AZIN2: variants seen among roughly 807,000 people sequenced by gnomAD.
AZIN2 encodes antizyme inhibitor 2.
Under a neutral mutation model 47.8 loss-of-function variants are expected in AZIN2, and 28 were observed. The ratio of observed to expected loss-of-function variants is 0.59; its 90% confidence interval spans 0.43 to 0.80. AZIN2 has a LOEUF of 0.80. Among genes scored for constraint, AZIN2 ranks in the 30% least tolerant of loss-of-function variants. The probability of loss-of-function intolerance (pLI) is 0.00; values close to 1 mark genes in which losing one functional copy is unlikely to be tolerated. For synonymous variants in AZIN2, 221 were observed against 239.4 expected (o/e 0.92, Z 0.71); for missense variants, 535 against 582.5 (o/e 0.92, Z 0.84).
chr1:33,163,686 C>G, the AZIN2 span: 1 of 152,360 alleles, frequency 6.6e-6, no homozygotes, highest in Non-Finnish European at 1.5e-5. Context: ...TGCATCACCC[C>G]GCCAGGGCGC....
chr1:33,160,982 G>A, the AZIN2 span, among the ~76,000 whole-genome samples: 2 of 152,354 alleles, frequency 1.3e-5, no homozygotes, highest in East Asian at 3.9e-4. Flanking sequence ...GAAGGGCACA[G>A]GTTTGGTGCC....
intron 10 of AZIN2, among the ~76,000 whole-genome samples, chr1:33,103,946 A>G (rs1356831155): frequency 6.6e-6 from 1 of 150,656 alleles, no homozygotes; most frequent in Non-Finnish European, 1.5e-5. Context: ...GCAGTGCTAC[A>G]GTCTTGGCTC....
chr1:33,092,278 G>C, intron 6 of AZIN2, 56 bp downstream of exon 6: 1 of 1,551,228 alleles, frequency 6.4e-7, no homozygotes, highest in Non-Finnish European at 8.7e-7. Flanking sequence ...GGGCTGTGGG[G>C]AGCCTGGGCT....
the AZIN2 span, among the ~76,000 whole-genome samples, chr1:33,133,183 GGTGA>G: frequency 6.6e-6 from 1 of 152,238 alleles, no homozygotes; most frequent in African/African-American, 2.4e-5. Context: ...CCAAGGGCTT[GGTGA>G]GTAACATTCA....
the AZIN2 span, chr1:33,159,909 C>T: frequency 6.2e-7 from 1 of 1,608,316 alleles, no homozygotes. The surrounding 1 kb of genome is among the most constrained non-coding windows in gnomAD (Gnocchi z 4.2). Flanking sequence ...GCTCGAAGGC[C>T]TCGCCGATAG....
At chr1:33,161,510 C>A in the AZIN2 span, among the ~76,000 whole-genome samples, 7 of 152,184 alleles carry the variant, frequency 4.6e-5, no homozygotes, top group African/African-American at 1.4e-4. This position sits in a 1 kb window ranked among gnomAD's most constrained non-coding sequence, Gnocchi z 4.3. Context: ...CCCCGACGCG[C>A]GGCTGCTGGC....
intron 9 of AZIN2, chr1:33,097,858 G>C (rs867202599): frequency 2.9e-5 from 17 of 579,222 alleles, no homozygotes; most frequent in Non-Finnish European, 5.0e-5. Context: ...TGGGCAGGTT[G>C]CTTGGCTGCA....
the AZIN2 span, among the ~76,000 whole-genome samples, chr1:33,161,771 C>T: frequency 2.2e-3 from 334 of 152,304 alleles, 2 homozygotes; most frequent in Non-Finnish European, 4.0e-3. This position sits in a 1 kb window ranked among gnomAD's most constrained non-coding sequence, Gnocchi z 4.3. Context: ...AGCTACTCCT[C>T]TGGCTCCTCC....
chr1:33,094,492 C>G (rs1642923391), intron 7 of AZIN2, 56 bp from the exon 8 acceptor site: 2 of 1,559,012 alleles, frequency 1.3e-6, no homozygotes, highest in Non-Finnish European at 1.7e-6. Flanking sequence ...GGCTGGGGCT[C>G]AGGTGGTGGC....
intron 10 of AZIN2, among the ~76,000 whole-genome samples, chr1:33,100,854 C>T (rs1381192174): frequency 2.0e-5 from 3 of 151,610 alleles, no homozygotes; most frequent in African/African-American, 4.8e-5. Flanking sequence ...ATTTGGTTGC[C>T]ATCTCTCTCT....
the AZIN2 span, chr1:33,158,278 C>G: frequency 6.2e-7 from 1 of 1,614,052 alleles, no homozygotes; most frequent in Non-Finnish European, 8.5e-7. Flanking sequence ...GGAACAGGGA[C>G]TTCCAGATGG....
chr1:33,104,028 G>T (rs1022748303), intron 10 of AZIN2, among the ~76,000 whole-genome samples: 1 of 151,852 alleles, frequency 6.6e-6, no homozygotes, highest in African/African-American at 2.4e-5. Flanking sequence ...GATTACAGGC[G>T]CCCGTCACTA....
At chr1:33,084,689 C>T (rs555972579) in intron 5 of AZIN2, among the ~76,000 whole-genome samples, 44 of 152,138 alleles carry the variant, frequency 2.9e-4, no homozygotes, top group African/African-American at 9.6e-4. Flanking sequence ...CTTCGCCTCC[C>T]GGGTTCAAGT....
At chr1:33,133,486 G>C in the AZIN2 span, among the ~76,000 whole-genome samples, 1 of 152,080 alleles carries the variant, frequency 6.6e-6, no homozygotes, top group African/African-American at 2.4e-5. Context: ...TGGTGGGCTG[G>C]GGCAGGTGAC....
chr1:33,086,868 T>C (rs1641961166), intron 5 of AZIN2, among the ~76,000 whole-genome samples: 1 of 152,210 alleles, frequency 6.6e-6, no homozygotes, highest in East Asian at 1.9e-4. Flanking sequence ...CACTTGCCTG[T>C]CTGCCCCCAT....
chr1:33,089,418 T>C (rs1039767733), intron 5 of AZIN2, among the ~76,000 whole-genome samples: 14 of 152,106 alleles, frequency 9.2e-5, no homozygotes. Context: ...GGCAATGTAG[T>C]GAGACCCTGT....
At chr1:33,139,685 C>T in the AZIN2 span, among the ~76,000 whole-genome samples, 6 of 152,318 alleles carry the variant, frequency 3.9e-5, no homozygotes, top group African/African-American at 1.4e-4. Context: ...TTGTTTTCCT[C>T]CTGCAGAGGA....
At chr1:33,152,232 C>T in the AZIN2 span, among the ~76,000 whole-genome samples, 5 of 152,200 alleles carry the variant, frequency 3.3e-5, no homozygotes, top group Non-Finnish European at 7.3e-5. Flanking sequence ...CTTTTCACAT[C>T]ATGCTCTTCC....
chr1:33,082,955 C>T (rs144202854), intron 4 of AZIN2: 120 of 153,038 alleles, frequency 7.8e-4, no homozygotes, highest in Non-Finnish European at 1.5e-3. Flanking sequence ...TGCCTTTGCC[C>T]AGGCTGTTCC....
Sources: allele counts gnomAD v4.1 joint callset (sites outside exome capture counted in the v4.1 genomes callset), GRCh38; gene constraint gnomAD v4.1.1; non-coding constraint Gnocchi (gnomAD v3.1); transcripts MANE v1.5; gene names NCBI Gene and HGNC (gene_info 2026-07-23, HGNC 2026-07-21).